Variants in SEMA5A observed in about 807,000 individuals in gnomAD.
SEMA5A encodes semaphorin-5A.
A neutral mutation model predicts 135.5 loss-of-function variants in SEMA5A; 55 were observed. That is an observed-to-expected ratio of 0.41 (90% CI 0.33 to 0.51). The LOEUF is 0.51. Ranked by LOEUF, SEMA5A falls within the 20% of genes least tolerant of loss-of-function variation. SEMA5A has a pLI of 0.37. For missense variants in SEMA5A, 1,290 were observed against 1,419.9 expected (o/e 0.91, Z 1.47); for synonymous variants, 580 against 546.5 (o/e 1.06, Z -0.85).
chr5:9,163,505 C>T (rs1489458979), intron 11 of SEMA5A, among the ~76,000 whole-genome samples: 2 of 152,168 alleles, frequency 1.3e-5, no homozygotes, highest in Non-Finnish European at 2.9e-5. Context: ...TTCCGTTTTG[C>T]ATCTTCAGAG....
At chr5:9,116,515 T>C (rs1483076982) in intron 15 of SEMA5A, among the ~76,000 whole-genome samples, 1 of 152,194 alleles carries the variant, frequency 6.6e-6, no homozygotes, top group South Asian at 2.1e-4. Context: ...AAAAAAATTA[T>C]GTAAATACTT....
At chr5:9,331,902 T>C (rs1446479242) in intron 4 of SEMA5A, among the ~76,000 whole-genome samples, 1 of 152,220 alleles carries the variant, frequency 6.6e-6, no homozygotes, top group Non-Finnish European at 1.5e-5. Context: ...TTCAAAATAA[T>C]AAACGAAAAG....
At chr5:9,449,645 A>C (rs1758562084) in intron 1 of SEMA5A, among the ~76,000 whole-genome samples, 1 of 152,166 alleles carries the variant, frequency 6.6e-6, no homozygotes, top group South Asian at 2.1e-4. Context: ...AATGTGTGTA[A>C]ATATTAACAG....
intron 2 of SEMA5A, among the ~76,000 whole-genome samples, chr5:9,399,574 A>T (rs1756557978): frequency 6.6e-6 from 1 of 152,172 alleles, no homozygotes; most frequent in African/African-American, 2.4e-5. Flanking sequence ...AATGTATGAA[A>T]AATTATGAAA....
At chr5:9,207,892 GATAGATACATAGATAGATAGATA>G (rs754757516) in intron 8 of SEMA5A, among the ~76,000 whole-genome samples, 4,423 of 35,318 alleles carry the variant, frequency 0.13, 92 homozygotes, top group African/African-American at 0.2. Context: ...TAGATAGATA[GATAGATACATAGATAGATAGATA>G]ATAGATAGAT....
At chr5:9,279,364 A>G (rs1750427397) in intron 5 of SEMA5A, among the ~76,000 whole-genome samples, 1 of 152,190 alleles carries the variant, frequency 6.6e-6, no homozygotes, top group Non-Finnish European at 1.5e-5. Flanking sequence ...GTTTCTTGGA[A>G]GTAACTAACT....
chr5:9,451,530 G>A (rs945227788), intron 1 of SEMA5A, among the ~76,000 whole-genome samples: 3 of 152,178 alleles, frequency 2.0e-5, no homozygotes, highest in Non-Finnish European at 4.4e-5. Flanking sequence ...CAGAAAAGTG[G>A]GGTGAAATGT....
At chr5:9,539,443 AT>A (rs1468780311) in intron 1 of SEMA5A, among the ~76,000 whole-genome samples, 1 of 152,196 alleles carries the variant, frequency 6.6e-6, no homozygotes, top group Non-Finnish European at 1.5e-5. Context: ...AGCCTGCCAT[AT>A]TTTTAAAATA....
intron 2 of SEMA5A, among the ~76,000 whole-genome samples, chr5:9,410,920 G>A (rs180833383): frequency 5.8e-4 from 86 of 147,350 alleles, no homozygotes; most frequent in African/African-American, 1.8e-3. Flanking sequence ...ATAACAGAGC[G>A]TTCTCTATCT....
At chr5:9,157,397 C>T (rs1215174395) in intron 11 of SEMA5A, among the ~76,000 whole-genome samples, 1 of 152,210 alleles carries the variant, frequency 6.6e-6, no homozygotes, top group African/African-American at 2.4e-5. Flanking sequence ...AGAAACTTGA[C>T]AGGCCTCCCT....
At chr5:9,507,562 G>A (rs1474480160) in intron 1 of SEMA5A, among the ~76,000 whole-genome samples, 6 of 152,046 alleles carry the variant, frequency 3.9e-5, no homozygotes, top group Non-Finnish European at 8.8e-5. Context: ...CATATTTGAC[G>A]CAATCTCCTG....
chr5:9,123,397 T>A (rs1299003606), intron 13 of SEMA5A, among the ~76,000 whole-genome samples: 2 of 108,554 alleles, frequency 1.8e-5, no homozygotes, highest in Admixed American at 1.1e-4. Context: ...AGACAGAAAA[T>A]AAGAAGAGGA....
intron 1 of SEMA5A, among the ~76,000 whole-genome samples, chr5:9,455,481 C>G (rs1172401873): frequency 6.6e-6 from 1 of 151,976 alleles, no homozygotes; most frequent in African/African-American, 2.4e-5. Flanking sequence ...CAGTCTCAAT[C>G]TCCTGACTTT....
At chr5:9,420,619 T>C (rs1338680511) in intron 2 of SEMA5A, among the ~76,000 whole-genome samples, 1 of 152,214 alleles carries the variant, frequency 6.6e-6, no homozygotes, top group East Asian at 1.9e-4. Flanking sequence ...AGATGGCCTA[T>C]ATCCCTTGTA....
chr5:9,203,720 A>G (rs1745851014), intron 8 of SEMA5A, among the ~76,000 whole-genome samples: 4 of 152,298 alleles, frequency 2.6e-5, no homozygotes, highest in Admixed American at 2.0e-4. Context: ...TACGTTGTTA[A>G]GTCATTGAAG....
In SEMA5A at chr5:9,039,129, TG is replaced by T. The variant is rs1391815376; in HGVS notation, c.*3767del. 6.6e-6 allele frequency: 1 copy of T among 152,264 alleles called. No homozygotes were observed. Among genetic ancestry groups the T allele is most frequent in the Non-Finnish European group, 1.5e-5 (1 of 68,094 alleles). 9.4% of individuals were successfully genotyped at this position (152,264 alleles called of 1,614,324 possible). A position where few individuals can be genotyped will look rare whatever the true frequency, so the allele number is the denominator to read the frequency against. ...TTGACTCCCACAGTTTCCATCCTTT[TG>T]CAGATAAATAAGGAAGTAAGTACAC... On this transcript the variant is annotated 3_prime_UTR_variant, in exon 23 of 23. Coordinates refer to ENST00000382496, the MANE Select transcript of SEMA5A (RefSeq NM_003966.3).
chr5:9,096,970 G>A (rs917049887), intron 16 of SEMA5A, among the ~76,000 whole-genome samples: 8 of 151,972 alleles, frequency 5.3e-5, no homozygotes, highest in Non-Finnish European at 7.4e-5. Context: ...GAGGAAAAAC[G>A]AGTAACTATG....
At chr5:9,505,278 A>G (rs2126830590) in intron 1 of SEMA5A, among the ~76,000 whole-genome samples, 1 of 152,312 alleles carries the variant, frequency 6.6e-6, no homozygotes, top group Admixed American at 6.5e-5. Context: ...AAAAGGCAAA[A>G]GCATTTCGCT....
In SEMA5A at chr5:9,162,504, ATAGGAATATATG is replaced by A. The variant is rs1560977019; in HGVS notation, c.1274-7821_1274-7810del. On this transcript the variant is annotated intron_variant, in intron 11 of 22. Coordinates refer to ENST00000382496, the MANE Select transcript of SEMA5A (RefSeq NM_003966.3). Reference sequence around the variant, plus strand: ...TGTGTATATATGTATATGTGTATATATAGGAATATATGTGTATATGTGTATATATATGTATGT... The same window carrying A: ...TGTGTATATATGTATATGTGTATATATGTATATGTGTATATATATGTATGT... 7.8e-3 allele frequency among the ~76,000 whole-genome samples: 556 copies of A among 71,166 alleles called. 4 individuals are homozygous for A. Among genetic ancestry groups the A allele is most frequent in the African/African-American group, 0.021 (534 of 25,594 alleles). The allele number at this position is 71,166 out of a possible 152,430, so 46.7% of individuals were successfully genotyped here. A position where few individuals can be genotyped will look rare whatever the true frequency, so the allele number is the denominator to read the frequency against.
Sources: gnomAD v4.1 joint callset for allele counts (sites outside exome capture counted in the v4.1 genomes callset) on GRCh38, gnomAD v4.1.1 for gene constraint, MANE v1.5 for transcripts, NCBI Gene and HGNC (gene_info 2026-07-23, HGNC 2026-07-21) for gene names.